The following CEP192 variants were observed in gnomAD, a reference collection of about 807,000 sequenced individuals.
CEP192 encodes centrosomal protein 192, also known as centrosomal protein of 192 kDa.
In CEP192, 151 loss-of-function variants were observed where a neutral mutation model predicts 271.8. The observed-to-expected ratio is 0.56, with a 90% CI of 0.49 to 0.64. The LOEUF is 0.64. Ranked by LOEUF, CEP192 falls within the 30% of genes least tolerant of loss-of-function variation. The pLI, the probability that CEP192 is intolerant of heterozygous loss-of-function variation, is 0.00. For synonymous variants in CEP192, 995 were observed against 1,076.5 expected (o/e 0.92, Z 1.48); for missense variants, 2,910 against 3,020.5 (o/e 0.96, Z 0.86).
At chr18:13,033,463 G>A (rs1371549405) in intron 11 of CEP192, among the ~76,000 whole-genome samples, 1 of 152,126 alleles carries the variant, frequency 6.6e-6, no homozygotes, top group Non-Finnish European at 1.5e-5. Flanking sequence ...ACACAGGTAT[G>A]CTAGTCCATT....
At chr18:13,001,954 C>T (rs556149345) in intron 3 of CEP192, among the ~76,000 whole-genome samples, 2 of 152,182 alleles carry the variant, frequency 1.3e-5, no homozygotes, top group Non-Finnish European at 2.9e-5. Context: ...TGAACCGCCC[C>T]ACCCGCGTTG....
rs896965331 is a variant in CEP192 at position 13,053,215 on chromosome 18, A to AT, written c.3189+130dup. On this transcript the variant is annotated intron_variant, in intron 18 of 44. Transcript: ENST00000506447. ...GTGTTGCTCTTTTATCTTTAAAATG[A>AT]TTTTTGTATTTGTGTGCACATATTA... 5 of 808,722 alleles carry AT rather than the reference A, an allele frequency of 6.2e-6. No homozygotes were observed. In the African/African-American group the frequency reaches 8.5e-5, roughly 14 times the overall value. The allele number at this position is 808,722 out of a possible 1,614,324, so 50.1% of individuals were successfully genotyped here.
rs556307131 is a variant in CEP192, at chr18:13,105,070, G to C, written c.7038G>C (p.Gly2346=). The part of the protein sequence containing the change: ...SPISGLLESH[G]IQKVSITFLP... ...TTTCTGGTCTGCTGGAAAGCCATGG[G>C]ATCCAAAAAGTAGGTTTTGATATTT... is the stretch of plus-strand genomic sequence containing the variant. The change falls in exon 40 of 45, where the codon GGG becomes GGC. Residue 2346 remains glycine (G), a synonymous_variant. Coordinates refer to ENST00000506447, the MANE Select transcript of CEP192 (RefSeq NM_032142.4). 1 of 1,611,922 alleles carries C rather than the reference G, an allele frequency of 6.2e-7. No homozygotes were observed. Among genetic ancestry groups the C allele is most frequent in the South Asian group, 1.1e-5 (1 of 91,036 alleles).
At chr18:13,087,882 A>G (rs1008151113) in intron 32 of CEP192, among the ~76,000 whole-genome samples, 18 of 152,192 alleles carry the variant, frequency 1.2e-4, no homozygotes, top group Admixed American at 1.0e-3. Flanking sequence ...AGGTGAATGT[A>G]TTGTGCCACT....
chr18:13,099,209 A>G (rs1263615897), intron 36 of CEP192, among the ~76,000 whole-genome samples: 1 of 149,404 alleles, frequency 6.7e-6, no homozygotes, highest in East Asian at 2.0e-4. Flanking sequence ...AGGGAGAGGG[A>G]GAGGGCGGCA....
chr18:13,042,104 C>T (rs2036239341), intron 14 of CEP192, 100 bp from the exon 15 acceptor site: 1 of 931,156 alleles, frequency 1.1e-6, no homozygotes, highest in African/African-American at 1.7e-5. Context: ...ACAAAGACAT[C>T]TTCCTTGGTA....
At chr18:13,033,209 C>T (rs548981121) in intron 11 of CEP192, among the ~76,000 whole-genome samples, 1 of 152,210 alleles carries the variant, frequency 6.6e-6, no homozygotes, top group South Asian at 2.1e-4. Context: ...AGGTTTAAAG[C>T]CCATTCCCCT....
intron 3 of CEP192, 37 bp from the exon 4 acceptor site, chr18:13,008,419 T>C: frequency 7.2e-7 from 1 of 1,385,532 alleles, no homozygotes; most frequent in Non-Finnish European, 9.9e-7. Context: ...CCAAGGTAAC[T>C]AACATTTTAT....
At chr18:13,069,662 G>GT in intron 26 of CEP192, 76 bp from the exon 27 acceptor site, 1 of 799,008 alleles carries the variant, frequency 1.3e-6, no homozygotes, top group Admixed American at 2.0e-5. Flanking sequence ...AGAAACGCAC[G>GT]TAAGGCAGGA....
chr18:12,995,400 G>A (rs1789747232), intron 1 of CEP192, among the ~76,000 whole-genome samples: 1 of 152,180 alleles, frequency 6.6e-6, no homozygotes, highest in African/African-American at 2.4e-5. Flanking sequence ...TGGAAATCAA[G>A]AAGAGAGAAT....
At chr18:13,030,638 C>T in intron 11 of CEP192, 30 bp downstream of exon 11, 1 of 1,528,498 alleles carries the variant, frequency 6.5e-7, no homozygotes, top group South Asian at 1.1e-5. Context: ...TTTATTATAA[C>T]ATTTTCACTG....
intron 30 of CEP192, among the ~76,000 whole-genome samples, chr18:13,081,074 A>G (rs1445372341): frequency 6.6e-6 from 1 of 152,230 alleles, no homozygotes; most frequent in African/African-American, 2.4e-5. Context: ...ATCGATGTTC[A>G]TCAGAGATAT....
At chr18:13,053,506 T>C (rs895044500) in intron 18 of CEP192, among the ~76,000 whole-genome samples, 2 of 150,720 alleles carry the variant, frequency 1.3e-5, no homozygotes, top group African/African-American at 4.9e-5. Flanking sequence ...AGGTGGAGAG[T>C]TGTAAGATAC....
chr18:13,031,954 G>T (rs2035654866), intron 11 of CEP192, among the ~76,000 whole-genome samples: 1 of 152,146 alleles, frequency 6.6e-6, no homozygotes, highest in South Asian at 2.1e-4. Flanking sequence ...ATGGTCCAGT[G>T]TGGCCAGCCT....
At chr18:13,024,684 A>T (rs1316293962) in intron 9 of CEP192, among the ~76,000 whole-genome samples, 2 of 151,874 alleles carry the variant, frequency 1.3e-5, no homozygotes, top group Non-Finnish European at 2.9e-5. Flanking sequence ...GATGGTCTTG[A>T]TCTCCTGACC....
At chr18:13,033,375 T>C (rs2035741315) in intron 11 of CEP192, among the ~76,000 whole-genome samples, 2 of 152,160 alleles carry the variant, frequency 1.3e-5, no homozygotes, top group African/African-American at 4.8e-5. Flanking sequence ...ATCCACCCAG[T>C]CATAGTATTT....
intron 30 of CEP192, among the ~76,000 whole-genome samples, chr18:13,074,255 T>C (rs2038161312): frequency 6.6e-6 from 1 of 152,242 alleles, no homozygotes; most frequent in Non-Finnish European, 1.5e-5. Context: ...GAGCTTGAGC[T>C]CTGTGTCCTG....
intron 43 of CEP192, 140 bp downstream of exon 43, chr18:13,116,643 G>C: frequency 2.6e-6 from 2 of 756,566 alleles, no homozygotes; most frequent in Non-Finnish European, 4.0e-6. Flanking sequence ...ATGGAGTCTC[G>C]CTGTCGCCCA....
At position 13,068,397 on chromosome 18, in the gene CEP192, T is replaced by A. The variant is rs1314170438; in HGVS notation, c.4797T>A (p.Ser1599Arg). 1 of 1,612,434 alleles carries A rather than the reference T, an allele frequency of 6.2e-7. No homozygotes were observed. Among genetic ancestry groups the A allele is most frequent in the African/African-American group, 1.3e-5 (1 of 74,900 alleles). Residue 1599 changes from serine (S) to arginine (R), a missense_variant, in exon 24 of 45, where the codon AGT (serine) becomes AGA (arginine). Coordinates refer to ENST00000506447, the MANE Select transcript of CEP192 (RefSeq NM_032142.4). ...TGATGATTTGGGTTCTTTTCCATAGTCCAAAGAAACAGATCAGCTCTTCAG... is the reference window on the plus strand; with the variant it reads ...TGATGATTTGGGTTCTTTTCCATAGACCAAAGAAACAGATCAGCTCTTCAG... ...EFLMIWVLFH[S>R]PKKQISSSDI... is the part of the protein sequence containing the mutation.
Sources: gnomAD v4.1 joint callset for allele counts (sites outside exome capture counted in the v4.1 genomes callset) on GRCh38, gnomAD v4.1.1 for gene constraint, MANE v1.5 for transcripts, NCBI Gene and HGNC (gene_info 2026-07-23, HGNC 2026-07-21) for gene names.